THSD7B: variants seen among roughly 807,000 people sequenced by gnomAD.
The protein encoded by THSD7B is thrombospondin type 1 domain containing 7B.
Under a neutral mutation model 213.6 loss-of-function variants are expected in THSD7B, and 138 were observed. The ratio of observed to expected loss-of-function variants is 0.65; its 90% CI spans 0.56 to 0.74. THSD7B has a LOEUF of 0.74. Ranked by LOEUF, THSD7B falls within the 30% of genes least tolerant of loss-of-function variation. THSD7B has a pLI of 0.00. For synonymous variants in THSD7B, 742 were observed against 687.0 expected (o/e 1.08, Z -1.25); for missense variants, 1,931 against 1,991.5 (o/e 0.97, Z 0.58).
chr2:137,623,001 CA>C (rs1682550274), intron 20 of THSD7B, among the ~76,000 whole-genome samples: 1 of 152,110 alleles, frequency 6.6e-6, no homozygotes, highest in African/African-American at 2.4e-5. Flanking sequence ...ATCCTGATAC[CA>C]AAGCCTGGCA....
intron 7 of THSD7B, among the ~76,000 whole-genome samples, chr2:137,192,712 TGAAATCTG>T (rs1171762380): frequency 1.3e-5 from 2 of 152,210 alleles, no homozygotes; most frequent in South Asian, 2.1e-4. Context: ...CTCTTATTCC[TGAAATCTG>T]GATGTATTTT....
At chr2:137,302,629 G>T (rs999948960) in intron 12 of THSD7B, among the ~76,000 whole-genome samples, 35 of 152,042 alleles carry the variant, frequency 2.3e-4, no homozygotes, top group Admixed American at 1.1e-3. Flanking sequence ...AGTAGCTGGT[G>T]GAGGGGAAGT....
chr2:137,161,207 TCATCTTCAAAA>T (rs1680012549), intron 6 of THSD7B, among the ~76,000 whole-genome samples: 1 of 152,190 alleles, frequency 6.6e-6, no homozygotes, highest in African/African-American at 2.4e-5. Context: ...ATACGTGTCT[TCATCTTCAAAA>T]GTTTACTCCT....
rs537794985 is a variant in THSD7B, at chr2:137,437,154, T to A, written c.2960-13691T>A. 3.8e-4 allele frequency among the ~76,000 whole-genome samples: 58 copies of A among 152,162 alleles called. 1 individual carries two copies. Among genetic ancestry groups the A allele is most frequent in the Non-Finnish European group, 3.4e-4 (23 of 68,026 alleles). On this transcript the variant is annotated intron_variant, in intron 14 of 27. Transcript: ENST00000409968. The stretch of plus-strand genomic sequence containing the variant: ...ACTAGAAAGATGAATGCAAAGTACA[T>A]TCTAATCCCAGATGAAATAATCCAG...
At chr2:137,135,558 C>T (rs891577119) in intron 5 of THSD7B, among the ~76,000 whole-genome samples, 1 of 152,154 alleles carries the variant, frequency 6.6e-6, no homozygotes, top group African/African-American at 2.4e-5. Context: ...TAGCCCATGG[C>T]TTTTCTGTGA....
chr2:137,552,636 T>C (rs1680872698), intron 15 of THSD7B, among the ~76,000 whole-genome samples: 1 of 152,174 alleles, frequency 6.6e-6, no homozygotes, highest in Admixed American at 6.5e-5. Context: ...TTTGTACAGC[T>C]TGTGGGTATG....
intron 4 of THSD7B, among the ~76,000 whole-genome samples, chr2:137,112,719 A>G (rs974530): frequency 0.54 from 81,856 of 151,916 alleles, 24,488 homozygotes; most frequent in Non-Finnish European, 0.66. Flanking sequence ...GATCTCTAAT[A>G]TTAAGACTTT....
intron 12 of THSD7B, among the ~76,000 whole-genome samples, chr2:137,281,667 C>T (rs62171115): frequency 2.0e-5 from 3 of 147,114 alleles, no homozygotes; most frequent in Admixed American, 7.2e-5. Context: ...GGTTTTTTGT[C>T]CTTGAGATAG....
intron 5 of THSD7B, among the ~76,000 whole-genome samples, chr2:137,117,464 T>C (rs1688464960): frequency 6.6e-6 from 1 of 152,168 alleles, no homozygotes; most frequent in African/African-American, 2.4e-5. Flanking sequence ...GAACATCAAA[T>C]TATTAATATT....
chr2:137,384,752 C>T (rs1685854925), intron 12 of THSD7B, among the ~76,000 whole-genome samples: 1 of 152,048 alleles, frequency 6.6e-6, no homozygotes, highest in Non-Finnish European at 1.5e-5. Context: ...TGAGTTCTCC[C>T]TCTGGAGAGA....
At chr2:137,100,864 T>C (rs182052269) in intron 4 of THSD7B, among the ~76,000 whole-genome samples, 14 of 152,046 alleles carry the variant, frequency 9.2e-5, no homozygotes, top group African/African-American at 3.4e-4. Context: ...AGTTCCACAA[T>C]CCTGCTGATG....
At chr2:136,969,662 C>G (rs1685374148) in intron 2 of THSD7B, among the ~76,000 whole-genome samples, 1 of 152,066 alleles carries the variant, frequency 6.6e-6, no homozygotes, top group African/African-American at 2.4e-5. Context: ...ACTCTAAGCC[C>G]TTGTTTGTTG....
chr2:137,408,534 A>C (rs771505393), intron 13 of THSD7B, among the ~76,000 whole-genome samples: 1 of 152,190 alleles, frequency 6.6e-6, no homozygotes, highest in Non-Finnish European at 1.5e-5. Context: ...AGCTTCTGCT[A>C]TAGTTGCTGT....
At chr2:137,200,228 C>T (rs1447576123) in intron 7 of THSD7B, among the ~76,000 whole-genome samples, 1 of 151,936 alleles carries the variant, frequency 6.6e-6, no homozygotes, top group Non-Finnish European at 1.5e-5. Flanking sequence ...TCCTGTATGC[C>T]TTCCTCATTC....
chr2:136,972,804 C>A (rs1685424813), intron 2 of THSD7B, among the ~76,000 whole-genome samples: 1 of 152,114 alleles, frequency 6.6e-6, no homozygotes, highest in African/African-American at 2.4e-5. Context: ...AATCTCAGTG[C>A]TTGGACTGTA....
intron 12 of THSD7B, among the ~76,000 whole-genome samples, chr2:137,398,292 G>A (rs1686248812): frequency 6.9e-6 from 1 of 145,616 alleles, no homozygotes; most frequent in African/African-American, 2.5e-5. Context: ...CATCTTTGTG[G>A]TTTTATCTAC....
At chr2:137,132,399 A>G (rs1688753995) in intron 5 of THSD7B, among the ~76,000 whole-genome samples, 1 of 151,462 alleles carries the variant, frequency 6.6e-6, no homozygotes, top group South Asian at 2.1e-4. Flanking sequence ...CTATGTAAAG[A>G]TTTGATTTCG....
At chr2:137,227,101 T>C (rs1390798897) in intron 7 of THSD7B, among the ~76,000 whole-genome samples, 1 of 152,192 alleles carries the variant, frequency 6.6e-6, no homozygotes, top group Non-Finnish European at 1.5e-5. Context: ...TCAATGCGTA[T>C]GGGGCTTTAC....
chr2:136,858,074 A>G (rs1458183440), intron 1 of THSD7B, among the ~76,000 whole-genome samples: 1 of 152,224 alleles, frequency 6.6e-6, no homozygotes, highest in Non-Finnish European at 1.5e-5. Flanking sequence ...TTGGATGGTA[A>G]TAGCATTACA....
Sources: allele counts gnomAD v4.1 joint callset (sites outside exome capture counted in the v4.1 genomes callset), GRCh38; gene constraint gnomAD v4.1.1; transcripts MANE v1.5; gene names NCBI Gene and HGNC (gene_info 2026-07-23, HGNC 2026-07-21).